TULP3: variants seen among roughly 807,000 people sequenced by gnomAD.
TULP3 encodes tubby-related protein 3.
A neutral mutation model predicts 50.7 loss-of-function variants in TULP3; 38 were observed. The ratio of observed to expected loss-of-function variants is 0.75; its 90% confidence interval spans 0.58 to 0.98. The LOEUF (loss-of-function observed/expected upper bound fraction) is 0.98, where lower values mean the gene tolerates loss of function less well. Among genes scored for constraint, TULP3 ranks in the 50% least tolerant of loss-of-function variants. The pLI, the probability that TULP3 is intolerant of heterozygous loss-of-function variation, is 0.00. For missense variants in TULP3, 550 were observed against 568.0 expected (o/e 0.97, Z 0.32); for synonymous variants, 183 against 196.6 (o/e 0.93, Z 0.58).
In TULP3 at chr12:2,939,786, C is replaced by T. The variant is rs1020718938; in HGVS notation, c.*342C>T. 5 of 1,194,386 alleles carry T rather than the reference C, an allele frequency of 4.2e-6. No individual in the cohort carries two copies. Among genetic ancestry groups the T allele is most frequent in the African/African-American group, 3.2e-5 (2 of 63,064 alleles). The allele number at this position is 1,194,386 out of a possible 1,614,324, so 74.0% of individuals were successfully genotyped here. ...GAGCAATAGTTTGCCCCTTTTGGAA[C>T]GACCCCTGAATATATAAAACACACA... is the stretch of plus-strand genomic sequence containing the variant. On this transcript the variant is annotated 3_prime_UTR_variant, in exon 11 of 11. Coordinates refer to ENST00000448120, the MANE Select transcript of TULP3 (RefSeq NM_003324.5). This position sits in a 1 kb window ranked among gnomAD's most constrained non-coding sequence, Gnocchi z 4.0.
At chr12:2,914,173 G>A (rs922523392) in intron 2 of TULP3, among the ~76,000 whole-genome samples, 2 of 146,604 alleles carry the variant, frequency 1.4e-5, no homozygotes, top group Non-Finnish European at 3.0e-5. Flanking sequence ...CGCCCAGGCT[G>A]GAGTACAATG....
In TULP3 at chr12:2,940,964, T is replaced by A; in HGVS notation, c.*1520T>A. On this transcript the variant is annotated 3_prime_UTR_variant, in exon 11 of 11. Coordinates refer to ENST00000448120, the MANE Select transcript of TULP3 (RefSeq NM_003324.5). ...GAAGCTATTAATACACGACAGCATG[T>A]GGGGAAGGACTTATGGTGGGCCAGG... is the stretch of plus-strand genomic sequence containing the variant. 2.0e-6 allele frequency: 1 copy of A among 501,518 alleles called. No individual in the cohort carries two copies. The highest frequency in any genetic ancestry group is 3.5e-6 in the Non-Finnish European group (1 of 282,770). 31.1% of individuals were successfully genotyped at this position (501,518 alleles called of 1,614,324 possible). A position where few individuals can be genotyped will look rare whatever the true frequency, so the allele number is the denominator to read the frequency against.
At position 2,892,802 on chromosome 12, in the gene TULP3, G is replaced by A. The variant is rs567849076; in HGVS notation, c.41+1814G>A. On this transcript the variant is annotated intron_variant, in intron 1 of 10. Transcript: ENST00000448120. The stretch of plus-strand genomic sequence containing the variant: ...TGGGATTACAGGCGTGAGCCACTGC[G>A]CCTGGCCCCCTCCTTGTTCTTCCGA... 1.7e-4 allele frequency among the ~76,000 whole-genome samples: 26 copies of A among 151,352 alleles called. No individual in the cohort carries two copies. The South Asian group carries it at 5.0e-3, about 29-fold the overall frequency.
At chr12:2,936,611 G>A (rs994800964) in intron 8 of TULP3, among the ~76,000 whole-genome samples, 8 of 151,466 alleles carry the variant, frequency 5.3e-5, no homozygotes, top group Admixed American at 3.3e-4. Flanking sequence ...AATTAGCCGG[G>A]TGTGGTGGCG....
intron 1 of TULP3, among the ~76,000 whole-genome samples, chr12:2,892,359 A>C (rs1223977486): frequency 6.6e-6 from 1 of 152,000 alleles, no homozygotes; most frequent in Non-Finnish European, 1.5e-5. Flanking sequence ...TTGAATTCCG[A>C]AAATATTTGT....
At chr12:2,931,909 C>T (rs10774084) in intron 6 of TULP3, among the ~76,000 whole-genome samples, 72,949 of 151,860 alleles carry the variant, frequency 0.48, 18,023 homozygotes, top group African/African-American at 0.6. Context: ...GGATTTCTTA[C>T]CTCTGCTTTA....
Position 2,939,330 on chromosome 12 carries a change from G to A in TULP3, c.1215G>A (p.Gln405=), listed in dbSNP as rs111360722. ...TTCTAGCTGATTATATAGTCATGCAGTTTGGACGTGTGGCAGATGACGTGT... is the reference window on the plus strand; with the variant it reads ...TTCTAGCTGATTATATAGTCATGCAATTTGGACGTGTGGCAGATGACGTGT... ...HKNDPDYIVM[Q]FGRVADDVFT... Residue 405 remains glutamine, a synonymous_variant, in exon 11 of 11, where the codon CAG becomes CAA. Transcript: ENST00000448120. This position sits in a 1 kb window ranked among gnomAD's most constrained non-coding sequence, Gnocchi z 4.0. 4 of 1,614,234 alleles carry A rather than the reference G, an allele frequency of 2.5e-6. No homozygotes were observed.
intron 2 of TULP3, among the ~76,000 whole-genome samples, chr12:2,912,081 C>T (rs2098186017): frequency 6.6e-6 from 1 of 152,138 alleles, no homozygotes; most frequent in Admixed American, 6.6e-5. Context: ...GCTGAGCTTT[C>T]AAATGGTGTA....
chr12:2,938,871 C>T (rs2098203073), intron 10 of TULP3, among the ~76,000 whole-genome samples: 1 of 152,134 alleles, frequency 6.6e-6, no homozygotes, highest in Non-Finnish European at 1.5e-5. Context: ...GCAGCTCTAG[C>T]CTGCGGAGTT....
chr12:2,908,618 CA>C (rs571771245), intron 1 of TULP3, among the ~76,000 whole-genome samples: 54 of 151,864 alleles, frequency 3.6e-4, no homozygotes, highest in African/African-American at 1.2e-3. Context: ...GAGACGGTTT[CA>C]CTATGTTGGA....
At chr12:2,936,099 T>C (rs2153950523) in intron 8 of TULP3, among the ~76,000 whole-genome samples, 1 of 151,902 alleles carries the variant, frequency 6.6e-6, no homozygotes, top group Admixed American at 6.5e-5. Context: ...AAAACCCGTC[T>C]CTACTAAAAA....
At chr12:2,894,690 T>G (rs1214769133) in intron 1 of TULP3, among the ~76,000 whole-genome samples, 1 of 151,980 alleles carries the variant, frequency 6.6e-6, no homozygotes, top group Non-Finnish European at 1.5e-5. Flanking sequence ...GGTCAGGAGT[T>G]CAAGACCAGC....
chr12:2,920,693 T>A (rs2098191147), intron 2 of TULP3, 70 bp from the exon 3 acceptor site: 2 of 1,556,608 alleles, frequency 1.3e-6, no homozygotes, highest in South Asian at 2.3e-5. Context: ...AAAAACAAAC[T>A]GGGCATGTTG....
At chr12:2,895,630 A>G (rs1396151930) in intron 1 of TULP3, among the ~76,000 whole-genome samples, 1 of 152,202 alleles carries the variant, frequency 6.6e-6, no homozygotes, top group African/African-American at 2.4e-5. Context: ...AGCTCTTTCC[A>G]CAATTATCTG....
At chr12:2,937,520 C>G in intron 8 of TULP3, 111 bp from the exon 9 acceptor site, 10 of 811,416 alleles carry the variant, frequency 1.2e-5, no homozygotes, top group Non-Finnish European at 2.1e-5. Flanking sequence ...CCGGCTGATA[C>G]AGCTGATATT....
chr12:2,932,579 CAAAAAAAA>C (rs11409686), intron 6 of TULP3, among the ~76,000 whole-genome samples: 1 of 68,904 alleles, frequency 1.5e-5, no homozygotes, highest in Non-Finnish European at 2.8e-5. Flanking sequence ...GACCCTATCT[CAAAAAAAA>C]AAAAAAAAAA....
chr12:2,909,443 G>T, intron 1 of TULP3, 86 bp from the exon 2 acceptor site: 1 of 1,335,582 alleles, frequency 7.5e-7, no homozygotes. Flanking sequence ...GTTCCAAATA[G>T]CCCAAAAGAG....
intron 4 of TULP3, among the ~76,000 whole-genome samples, chr12:2,924,258 G>T (rs1226379460): frequency 1.3e-5 from 2 of 152,142 alleles, no homozygotes; most frequent in Non-Finnish European, 2.9e-5. Flanking sequence ...GTTCAGAATG[G>T]CAGCAGCTCA....
At chr12:2,903,578 A>G (rs903577900) in intron 1 of TULP3, among the ~76,000 whole-genome samples, 87 of 149,992 alleles carry the variant, frequency 5.8e-4, no homozygotes, top group Middle Eastern at 6.8e-3. Context: ...AAAAAAAAAG[A>G]AAAAAGAAAA....
Sources: allele counts gnomAD v4.1 joint callset (sites outside exome capture counted in the v4.1 genomes callset), GRCh38; gene constraint gnomAD v4.1.1; non-coding constraint Gnocchi (gnomAD v3.1); transcripts MANE v1.5; gene names NCBI Gene and HGNC (gene_info 2026-07-23, HGNC 2026-07-21).